Variants in SLC10A7 observed in about 807,000 individuals in gnomAD.
The protein encoded by SLC10A7 is sodium/bile acid cotransporter 7.
In SLC10A7, 29 loss-of-function variants were observed where a neutral mutation model predicts 43.2. That is an observed-to-expected ratio of 0.67 (90% CI 0.50 to 0.92). The LOEUF is 0.92. SLC10A7 is among the 40% of genes least tolerant of loss of function. The pLI, the probability that SLC10A7 is intolerant of heterozygous loss-of-function variation, is 0.00. For synonymous variants in SLC10A7, 152 were observed against 144.8 expected (o/e 1.05, Z -0.35); for missense variants, 295 against 403.2 (o/e 0.73, Z 2.30).
Position 146,325,993 on chromosome 4 carries a change from T to A in SLC10A7, c.439A>T (p.Ile147Phe). Reference protein sequence around the residue: ...FNSAFGSFLGIVITPLLLLLF... With the variant: ...FNSAFGSFLGFVITPLLLLLF... ...AGCAGGAGCAGGGGTGTTATAACGA[T>A]GCCCTGAAAGAAATAAAAGAGAGGA... Residue 147 changes from isoleucine (I) to phenylalanine (F), a missense_variant, in exon 6 of 12, where the codon ATC becomes TTC. Physicochemically the swap from Ile to Phe is conservative, Grantham distance 21. Around this residue, in one of 2 missense-constraint regions of SLC10A7, gnomAD observed 242 missense variants for 362.5 expected, o/e 0.67. Coordinates refer to ENST00000335472, the MANE Select transcript of SLC10A7 (RefSeq NM_001029998.6). The A allele has an allele frequency of 1.2e-6, 2 of 1,611,908 alleles. No individual in the cohort carries two copies. The highest frequency in any genetic ancestry group is 1.7e-6 in the Non-Finnish European group (2 of 1,179,030).
At chr4:146,507,747 T>C (rs1324779796) in intron 3 of SLC10A7, among the ~76,000 whole-genome samples, 1 of 152,170 alleles carries the variant, frequency 6.6e-6, no homozygotes, top group Non-Finnish European at 1.5e-5. Flanking sequence ...AAGGAGCATG[T>C]GCTCAGAACA....
intron 5 of SLC10A7, among the ~76,000 whole-genome samples, chr4:146,406,376 C>A (rs545880778): frequency 6.6e-6 from 1 of 152,142 alleles, no homozygotes; most frequent in Non-Finnish European, 1.5e-5. Flanking sequence ...TTAAGCCTAT[C>A]GCTGAATACC....
intron 5 of SLC10A7, among the ~76,000 whole-genome samples, chr4:146,378,233 T>C (rs1049491030): frequency 3.3e-5 from 5 of 152,232 alleles, no homozygotes; most frequent in Admixed American, 2.0e-4. Context: ...AAAAAGGGCA[T>C]GAATCTGCTT....
At chr4:146,479,854 C>T (rs1370840433) in intron 4 of SLC10A7, among the ~76,000 whole-genome samples, 1 of 151,926 alleles carries the variant, frequency 6.6e-6, no homozygotes, top group Non-Finnish European at 1.5e-5. Flanking sequence ...GCCCTTTGAC[C>T]AAAGATGCAC....
chr4:146,338,569 G>A (rs1734048165), intron 5 of SLC10A7, among the ~76,000 whole-genome samples: 1 of 151,948 alleles, frequency 6.6e-6, no homozygotes, highest in African/African-American at 2.4e-5. Context: ...GAGACATTAG[G>A]GATAATGTGT....
intron 10 of SLC10A7, among the ~76,000 whole-genome samples, chr4:146,276,088 TG>T (rs1729189389): frequency 6.6e-6 from 1 of 152,184 alleles, no homozygotes. Flanking sequence ...TTATAGCAAG[TG>T]GGAAGTCTCT....
intron 7 of SLC10A7, among the ~76,000 whole-genome samples, chr4:146,295,162 A>G (rs1025566537): frequency 1.3e-5 from 2 of 152,156 alleles, no homozygotes; most frequent in African/African-American, 4.8e-5. Context: ...ACTACTCTCA[A>G]TAGAATCTTT....
chr4:146,283,255 C>A lies in SLC10A7; in HGVS notation c.784G>T (p.Gly262Cys). The A allele has an allele frequency of 6.2e-7, 1 of 1,613,122 alleles. No individual in the cohort carries two copies. The highest frequency in any genetic ancestry group is 8.5e-7 in the Non-Finnish European group (1 of 1,179,436). Residue 262 changes from glycine to cysteine, a missense_variant, in exon 10 of 12, where the codon GGT becomes TGT. Physicochemically the swap from Gly to Cys is radical, Grantham distance 159. Transcript: ENST00000335472. ...GCCACTGTGTCTGCTGGTGTGAAAC[C>A]CGAATTATTCCTAGGGGCAAAAAAA... The part of the protein sequence containing the change: ...TFIFSTRNNS[G>C]FTPADTVAII...
intron 4 of SLC10A7, among the ~76,000 whole-genome samples, chr4:146,453,842 G>A (rs1411855499): frequency 6.6e-6 from 1 of 151,822 alleles, no homozygotes; most frequent in Non-Finnish European, 1.5e-5. Flanking sequence ...TAAAGCCCTG[G>A]TACACAATAT....
chr4:146,358,248 C>T (rs1037388977), intron 5 of SLC10A7, among the ~76,000 whole-genome samples: 2 of 151,954 alleles, frequency 1.3e-5, no homozygotes, highest in African/African-American at 4.8e-5. Flanking sequence ...GGAGGTAGAC[C>T]AAGGATGAGG....
At chr4:146,340,166 T>C (rs2149725879) in intron 5 of SLC10A7, among the ~76,000 whole-genome samples, 1 of 151,852 alleles carries the variant, frequency 6.6e-6, no homozygotes, top group South Asian at 2.1e-4. Context: ...GTGATTGGGG[T>C]CTTAACAACC....
At chr4:146,510,783 T>G (rs1008773394) in intron 2 of SLC10A7, among the ~76,000 whole-genome samples, 1 of 152,208 alleles carries the variant, frequency 6.6e-6, no homozygotes, top group Non-Finnish European at 1.5e-5. Flanking sequence ...AATACAGTAA[T>G]TAACCTCTAT....
chr4:146,364,186 A>G (rs1165654291), intron 5 of SLC10A7, among the ~76,000 whole-genome samples: 1 of 152,104 alleles, frequency 6.6e-6, no homozygotes, highest in Non-Finnish European at 1.5e-5. Context: ...CAGAAATCTG[A>G]AGGATTATTA....
chr4:146,356,280 T>G (rs147439169), intron 5 of SLC10A7, among the ~76,000 whole-genome samples: 35 of 152,190 alleles, frequency 2.3e-4, no homozygotes, highest in African/African-American at 7.9e-4. Context: ...AAATTTCAGT[T>G]TCCTGTTTAC....
At chr4:146,314,779 G>A (rs945400836) in intron 6 of SLC10A7, among the ~76,000 whole-genome samples, 3 of 152,012 alleles carry the variant, frequency 2.0e-5, no homozygotes, top group African/African-American at 7.2e-5. Context: ...GTGTGGCTTT[G>A]GTCTGTCATT....
chr4:146,326,491 A>G (rs903787506), intron 5 of SLC10A7, among the ~76,000 whole-genome samples: 1 of 151,998 alleles, frequency 6.6e-6, no homozygotes, highest in Non-Finnish European at 1.5e-5. Flanking sequence ...GGATCTCAAA[A>G]CTCATTTCAC....
chr4:146,487,377 C>G (rs531680404), intron 4 of SLC10A7, among the ~76,000 whole-genome samples: 93 of 152,288 alleles, frequency 6.1e-4, no homozygotes, highest in African/African-American at 2.2e-3. Context: ...AAGGTTTGAG[C>G]TTCCTTGCAC....
intron 5 of SLC10A7, among the ~76,000 whole-genome samples, chr4:146,358,293 A>G (rs1455753327): frequency 2.0e-5 from 3 of 152,142 alleles, no homozygotes; most frequent in Non-Finnish European, 2.9e-5. Flanking sequence ...CCTGCTGCAG[A>G]TTATTGATTG....
intron 5 of SLC10A7, among the ~76,000 whole-genome samples, chr4:146,402,420 C>T (rs1739285840): frequency 6.6e-6 from 1 of 151,970 alleles, no homozygotes; most frequent in Non-Finnish European, 1.5e-5. Context: ...CCTATCAGCC[C>T]CAACTGCCTC....
Sources: allele counts gnomAD v4.1 joint callset (sites outside exome capture counted in the v4.1 genomes callset), GRCh38; gene constraint gnomAD v4.1.1; regional missense constraint gnomAD v4.1.1; transcripts MANE v1.5; gene names NCBI Gene and HGNC (gene_info 2026-07-23, HGNC 2026-07-21).